Variants in SH3KBP1 observed in about 807,000 individuals in gnomAD.
The protein encoded by SH3KBP1 is SH3 domain containing kinase binding protein 1, also known as SH3 domain-containing kinase-binding protein 1.
Under a neutral mutation model 50.1 loss-of-function variants are expected in SH3KBP1, and 8 were observed. That is an observed-to-expected ratio of 0.16 (90% CI 0.09 to 0.29). The LOEUF is 0.29. SH3KBP1 is among the 10% of genes least tolerant of loss of function. The pLI is 1.00. For synonymous variants in SH3KBP1, 227 were observed against 218.6 expected (o/e 1.04, Z -0.34); for missense variants, 377 against 535.2 (o/e 0.70, Z 2.92).
chrX:19,794,226 T>C (rs1160357409), intron 2 of SH3KBP1, among the ~76,000 whole-genome samples: 2 of 78,659 alleles, frequency 2.5e-5, no homozygotes, highest in African/African-American at 1.1e-4. Flanking sequence ...AAACCCTGTC[T>C]CTACAAAAAA....
rs11345869 is a variant in SH3KBP1 at position 19,618,977 on chromosome X, C to CA, written c.898-10933dup. 2.2e-3 allele frequency among the ~76,000 whole-genome samples: 186 copies of CA among 84,272 alleles called. 2 individuals are homozygous for CA. Among genetic ancestry groups the CA allele is most frequent in the South Asian group, 4.9e-3 (8 of 1,632 alleles). The allele number at this position is 84,272 out of a possible 115,157, so 73.2% of individuals were successfully genotyped here. Reference sequence around the variant, plus strand: ...GTGAGACCCTGTCTTAAAAAACGAACAAAAAAAAAAAAAATCGGGCAGGAG... The same window carrying CA: ...GTGAGACCCTGTCTTAAAAAACGAACAAAAAAAAAAAAAAATCGGGCAGGAG... On this transcript the variant is annotated intron_variant, in intron 8 of 17. Transcript: ENST00000397821.
chrX:19,660,618 C>T (rs1416024974), intron 6 of SH3KBP1, among the ~76,000 whole-genome samples: 1 of 111,838 alleles, frequency 8.9e-6, no homozygotes, highest in Non-Finnish European at 1.9e-5. Flanking sequence ...GGAAGACCAT[C>T]CCAGGAGCCC....
At chrX:19,656,269 A>G (rs943088753) in intron 6 of SH3KBP1, among the ~76,000 whole-genome samples, 1 of 111,881 alleles carries the variant, frequency 8.9e-6, no homozygotes, top group Non-Finnish European at 1.9e-5. Flanking sequence ...TGGCCCAATC[A>G]AATTTGTGAA....
chrX:19,772,084 T>C (rs2065806083), intron 2 of SH3KBP1, among the ~76,000 whole-genome samples: 1 of 111,060 alleles, frequency 9.0e-6, no homozygotes. Flanking sequence ...TACACATTAT[T>C]TAAGAAAAAA....
At chrX:19,857,182 T>C (rs922939889) in intron 1 of SH3KBP1, among the ~76,000 whole-genome samples, 1 of 108,790 alleles carries the variant, frequency 9.2e-6, no homozygotes, top group Non-Finnish European at 1.9e-5. Context: ...CAAGATGGGC[T>C]CTGTCCTTGA....
intron 1 of SH3KBP1, among the ~76,000 whole-genome samples, chrX:19,886,975 G>A (rs2069605497): frequency 9.1e-6 from 1 of 110,178 alleles, no homozygotes; most frequent in Non-Finnish European, 1.9e-5. Flanking sequence ...GGCGCGCTCG[G>A]GTGCAAAAAT....
chrX:19,545,546 A>G (rs1268070161), intron 15 of SH3KBP1, among the ~76,000 whole-genome samples: 1 of 112,182 alleles, frequency 8.9e-6, no homozygotes, highest in Admixed American at 9.4e-5. Flanking sequence ...AAAAGACAAG[A>G]TCTGTGGGCA....
chrX:19,881,267 G>T (rs2069425822), intron 1 of SH3KBP1, among the ~76,000 whole-genome samples: 1 of 111,910 alleles, frequency 8.9e-6, no homozygotes, highest in South Asian at 3.7e-4. Flanking sequence ...TAGACACATA[G>T]GGTCAATTCC....
At chrX:19,609,517 A>G (rs774836902) in intron 8 of SH3KBP1, among the ~76,000 whole-genome samples, 2 of 111,813 alleles carry the variant, frequency 1.8e-5, no homozygotes, top group Non-Finnish European at 3.8e-5. Flanking sequence ...AAACAAAAAA[A>G]CCTGCTGATA....
At chrX:19,761,176 G>A (rs2065414091) in intron 2 of SH3KBP1, among the ~76,000 whole-genome samples, 1 of 66,268 alleles carries the variant, frequency 1.5e-5, no homozygotes, top group African/African-American at 5.7e-5. Flanking sequence ...GGGGAGGGGA[G>A]GGGGGAGAAG....
intron 1 of SH3KBP1, among the ~76,000 whole-genome samples, chrX:19,841,151 G>T (rs1405767129): frequency 9.0e-6 from 1 of 111,599 alleles, no homozygotes; most frequent in African/African-American, 3.3e-5. Flanking sequence ...TTCTCACTAT[G>T]GCGGTGGTGG....
At chrX:19,749,558 C>T (rs907041480) in intron 2 of SH3KBP1, among the ~76,000 whole-genome samples, 8 of 112,684 alleles carry the variant, frequency 7.1e-5, no homozygotes, top group African/African-American at 2.3e-4. Context: ...AAATAAAACA[C>T]ACAAAGGGAT....
At chrX:19,756,061 C>T (rs2148844814) in intron 2 of SH3KBP1, among the ~76,000 whole-genome samples, 1 of 110,680 alleles carries the variant, frequency 9.0e-6, no homozygotes, top group South Asian at 3.9e-4. Context: ...TTCTTTAACT[C>T]GGTGTCTGAG....
chrX:19,703,964 G>A (rs2063590814), intron 4 of SH3KBP1, among the ~76,000 whole-genome samples: 2 of 109,973 alleles, frequency 1.8e-5, no homozygotes, highest in African/African-American at 3.3e-5. Context: ...AATTAGAGAG[G>A]AGCTACATTT....
chrX:19,852,150 G>A (rs2068526953), intron 1 of SH3KBP1, among the ~76,000 whole-genome samples: 1 of 111,386 alleles, frequency 9.0e-6, no homozygotes, highest in Non-Finnish European at 1.9e-5. Flanking sequence ...CAGCCATGCT[G>A]TAAGGAAGCC....
chrX:19,621,461 G>A (rs1006489396), intron 8 of SH3KBP1, among the ~76,000 whole-genome samples: 7 of 109,997 alleles, frequency 6.4e-5, no homozygotes, highest in Non-Finnish European at 7.6e-5. Flanking sequence ...TTAATCGGCT[G>A]GATTTTTTTA....
chrX:19,636,992 A>T (rs781730347), intron 7 of SH3KBP1, among the ~76,000 whole-genome samples: 6 of 112,364 alleles, frequency 5.3e-5, no homozygotes, highest in Admixed American at 1.9e-4. Flanking sequence ...ATCTAGTTTC[A>T]CGCACATCAT....
chrX:19,543,531 G>A (rs769610212), intron 15 of SH3KBP1, among the ~76,000 whole-genome samples: 1 of 111,560 alleles, frequency 9.0e-6, no homozygotes, highest in Admixed American at 9.5e-5. Flanking sequence ...GCTCCTGGCA[G>A]ATGACCACCT....
chrX:19,877,089 G>A (rs1272684696), intron 1 of SH3KBP1, among the ~76,000 whole-genome samples: 3 of 112,053 alleles, frequency 2.7e-5, no homozygotes, highest in Non-Finnish European at 3.8e-5. Flanking sequence ...ATGGATCACA[G>A]ATGAGCTCAT....
Sources: allele counts gnomAD v4.1 joint callset (sites outside exome capture counted in the v4.1 genomes callset), GRCh38; gene constraint gnomAD v4.1.1; transcripts MANE v1.5; gene names NCBI Gene and HGNC (gene_info 2026-07-23, HGNC 2026-07-21).